The following AKT3 variants were observed in gnomAD, a reference collection of about 807,000 sequenced individuals.
AKT3 encodes the protein RAC-gamma serine/threonine-protein kinase.
A neutral mutation model predicts 65.3 loss-of-function variants in AKT3; 15 were observed. The ratio of observed to expected loss-of-function variants is 0.23; its 90% CI spans 0.15 to 0.35. The LOEUF (loss-of-function observed/expected upper bound fraction) is 0.35, where lower values mean the gene tolerates loss of function less well. Ranked by LOEUF, AKT3 falls within the 10% of genes least tolerant of loss-of-function variation. AKT3 has a pLI of 1.00. For missense variants in AKT3, 243 were observed against 576.5 expected, an observed-to-expected ratio of 0.42 and a Z score of 5.92; for synonymous variants, 206 against 183.8, an observed-to-expected ratio of 1.12 and a Z score of -0.98.
intron 3 of AKT3, among the ~76,000 whole-genome samples, 156 bp downstream of exon 3, chr1:243,695,435 T>C (rs1685002429): frequency 6.6e-6 from 1 of 151,986 alleles, no homozygotes; most frequent in Non-Finnish European, 1.5e-5. Context: ...ATAACCTCTA[T>C]GCTAAGGGAC....
chr1:243,718,720 G>A (rs1268614592), intron 2 of AKT3, among the ~76,000 whole-genome samples: 1 of 151,600 alleles, frequency 6.6e-6, no homozygotes, highest in Non-Finnish European at 1.5e-5. Context: ...TGATCTGCCC[G>A]CCTCGGCCTC....
chr1:243,845,594 AAAAAAAAAAG>A (rs1338828901), intron 1 of AKT3, among the ~76,000 whole-genome samples: 7 of 146,632 alleles, frequency 4.8e-5, no homozygotes, highest in Non-Finnish European at 1.1e-4. Flanking sequence ...GTCTCAAAAA[AAAAAAAAAAG>A]AAAAGAAAAG....
At chr1:243,568,993 C>T (rs1352395786) in intron 9 of AKT3, among the ~76,000 whole-genome samples, 2 of 152,216 alleles carry the variant, frequency 1.3e-5, no homozygotes, top group Non-Finnish European at 2.9e-5. Flanking sequence ...ATAGCAGTTC[C>T]TAAGGGCTCC....
intron 2 of AKT3, among the ~76,000 whole-genome samples, chr1:243,743,334 C>T (rs908575324): frequency 5.3e-5 from 8 of 152,148 alleles, no homozygotes; most frequent in South Asian, 2.1e-4. Context: ...AAGAAATTTC[C>T]TGGAGAAGAC....
intron 2 of AKT3, among the ~76,000 whole-genome samples, chr1:243,705,096 T>C (rs1486475): frequency 0.55 from 84,137 of 152,028 alleles, 26,386 homozygotes; most frequent in Non-Finnish European, 0.71. Context: ...TTTTGAAAAG[T>C]ATATTATAGT....
At chr1:243,770,463 T>C (rs1690107997) in intron 2 of AKT3, among the ~76,000 whole-genome samples, 2 of 152,090 alleles carry the variant, frequency 1.3e-5, no homozygotes, top group South Asian at 4.1e-4. Flanking sequence ...GTATCATACT[T>C]TTTTTCAAGT....
At chr1:243,831,861 C>T (rs1021466305) in intron 2 of AKT3, among the ~76,000 whole-genome samples, 2 of 151,568 alleles carry the variant, frequency 1.3e-5, no homozygotes, top group Non-Finnish European at 2.9e-5. Context: ...TATTCCTAAA[C>T]GTCAAGAAAG....
At chr1:243,712,743 T>A (rs1686241818) in intron 2 of AKT3, among the ~76,000 whole-genome samples, 1 of 152,148 alleles carries the variant, frequency 6.6e-6, no homozygotes. Flanking sequence ...TCTCAATTAT[T>A]TAAGGTGAAA....
At chr1:243,497,809 G>A (rs940189144), downstream of AKT3, among the ~76,000 whole-genome samples, 1 of 152,066 alleles carries the variant, frequency 6.6e-6, no homozygotes, top group African/African-American at 2.4e-5. Flanking sequence ...CTTTTGAGTC[G>A]CTGGGACTAC....
intron 3 of AKT3, among the ~76,000 whole-genome samples, chr1:243,679,989 C>T (rs1266991848): frequency 6.6e-6 from 1 of 152,124 alleles, no homozygotes; most frequent in African/African-American, 2.4e-5. Flanking sequence ...AAGATTATTA[C>T]ATGTTTATTT....
chr1:243,585,579 A>G (rs947901606), intron 8 of AKT3, among the ~76,000 whole-genome samples: 1 of 152,156 alleles, frequency 6.6e-6, no homozygotes, highest in Non-Finnish European at 1.5e-5. Flanking sequence ...GCCCAGAAAT[A>G]AAGCCAGCCA....
At position 243,810,455 on chromosome 1, in the gene AKT3, ACTCC is replaced by A. The variant is rs1454518745; in HGVS notation, c.46+32666_46+32669del. On this transcript the variant is annotated intron_variant, in intron 2 of 13. Transcript: ENST00000673466. ...AACGGATAAATTCCTCGACACATAC[ACTCC>A]CCCAAGACTAAACCAGGAAGAAGTT... Among the ~76,000 whole-genome samples the A allele has an allele frequency of 7.2e-5, 11 of 151,788 alleles. No individual in the cohort carries two copies. In the East Asian group the frequency reaches 7.7e-4, roughly 11 times the overall value.
At chr1:243,710,575 AC>A (rs1238352130) in intron 2 of AKT3, among the ~76,000 whole-genome samples, 1 of 152,200 alleles carries the variant, frequency 6.6e-6, no homozygotes, top group Non-Finnish European at 1.5e-5. Flanking sequence ...AGGTACAACA[AC>A]CCTTGACTCA....
intron 2 of AKT3, among the ~76,000 whole-genome samples, chr1:243,822,328 A>C (rs548664726): frequency 6.6e-6 from 1 of 152,142 alleles, no homozygotes; most frequent in Non-Finnish European, 1.5e-5. Flanking sequence ...AAATACTAGA[A>C]AGATCTCAAG....
chr1:243,589,836 T>C (rs936605557), intron 8 of AKT3, among the ~76,000 whole-genome samples: 1 of 152,128 alleles, frequency 6.6e-6, no homozygotes, highest in Non-Finnish European at 1.5e-5. Flanking sequence ...ATTTCTTGGA[T>C]ATGAAGAAGC....
intron 9 of AKT3, among the ~76,000 whole-genome samples, chr1:243,571,320 C>T (rs547456213): frequency 6.6e-6 from 1 of 152,152 alleles, no homozygotes; most frequent in South Asian, 2.1e-4. Context: ...CATCTGAAAA[C>T]ACACACACAC....
At chr1:243,729,380 A>C (rs1687406508) in intron 2 of AKT3, among the ~76,000 whole-genome samples, 1 of 152,208 alleles carries the variant, frequency 6.6e-6, no homozygotes, top group Non-Finnish European at 1.5e-5. Context: ...AAAGATTAAA[A>C]GGGTGGAATT....
chr1:243,782,851 A>G (rs2148313589), intron 2 of AKT3, among the ~76,000 whole-genome samples: 1 of 152,304 alleles, frequency 6.6e-6, no homozygotes, highest in South Asian at 2.1e-4. Context: ...AACTTTAGGT[A>G]TTTTATAAGG....
At chr1:243,555,096 G>A (rs1673323457) in intron 10 of AKT3, among the ~76,000 whole-genome samples, 1 of 151,982 alleles carries the variant, frequency 6.6e-6, no homozygotes, top group African/African-American at 2.4e-5. Flanking sequence ...CTGAACATAC[G>A]TGCCTTAATT....
Sources: allele counts gnomAD v4.1 joint callset (sites outside exome capture counted in the v4.1 genomes callset), GRCh38; gene constraint gnomAD v4.1.1; transcripts MANE v1.5; gene names NCBI Gene and HGNC (gene_info 2026-07-23, HGNC 2026-07-21).